The following LAMA2 variants were observed in gnomAD, a reference collection of about 807,000 sequenced individuals.
LAMA2 encodes laminin subunit alpha 2.
Under a neutral mutation model 364.8 loss-of-function variants are expected in LAMA2, and 269 were observed. That is an observed-to-expected ratio of 0.74 (90% confidence interval 0.67 to 0.82). The LOEUF (loss-of-function observed/expected upper bound fraction) is 0.82. Ranked by LOEUF, LAMA2 falls within the 40% of genes least tolerant of loss-of-function variation. LAMA2 has a pLI of 0.00. For missense variants in LAMA2, 3,807 were observed against 3,873.2 expected (o/e 0.98, Z 0.45); for synonymous variants, 1,379 against 1,370.6 (o/e 1.01, Z -0.14).
At chr6:129,256,763 C>CATATATAT (rs199726173) in intron 14 of LAMA2, among the ~76,000 whole-genome samples, 3,911 of 87,296 alleles carry the variant, frequency 0.045, 261 homozygotes, top group Middle Eastern at 0.06. Flanking sequence ...AATTATATAG[C>CATATATAT]ATATATATAT....
chr6:129,207,146 A>G (rs908275756), intron 12 of LAMA2, among the ~76,000 whole-genome samples: 1 of 152,216 alleles, frequency 6.6e-6, no homozygotes, highest in Non-Finnish European at 1.5e-5. Flanking sequence ...ACTCAGATGA[A>G]TATATTTACA....
chr6:129,088,946 G>C (rs1055397769), intron 3 of LAMA2, among the ~76,000 whole-genome samples: 1 of 152,112 alleles, frequency 6.6e-6, no homozygotes, highest in African/African-American at 2.4e-5. Context: ...TCGGCACTTT[G>C]GGAGGCCAAG....
chr6:129,327,616 T>TA (rs1164867263), intron 28 of LAMA2, among the ~76,000 whole-genome samples: 1 of 152,218 alleles, frequency 6.6e-6, no homozygotes, highest in Non-Finnish European at 1.5e-5. Flanking sequence ...TGTTTGTTGA[T>TA]ACATTTTCAT....
At chr6:128,952,358 A>G (rs1340601004) in intron 1 of LAMA2, among the ~76,000 whole-genome samples, 2 of 152,184 alleles carry the variant, frequency 1.3e-5, no homozygotes, top group Non-Finnish European at 1.5e-5. Context: ...TAACAAGAAT[A>G]AAAATTAATT....
Position 128,954,991 on chromosome 6 carries a change from AAAT to A in LAMA2, c.112+71640_112+71642del, listed in dbSNP as rs377386831. Among the ~76,000 whole-genome samples the A allele has an allele frequency of 8.5e-4, 129 of 151,886 alleles. 3 individuals are homozygous for A. The South Asian group carries it at 0.021, about 24-fold the overall frequency. ...AAGGCACAGGTGTGAGCAAAAAAAA[AAAT>A]AATAAGAATCACTCCTCACAAGGAA... On this transcript the variant is annotated intron_variant, in intron 1 of 64. Coordinates refer to ENST00000421865, the MANE Select transcript of LAMA2 (RefSeq NM_000426.4).
At chr6:128,993,562 A>C (rs1172885400) in intron 1 of LAMA2, among the ~76,000 whole-genome samples, 1 of 152,078 alleles carries the variant, frequency 6.6e-6, no homozygotes, top group Non-Finnish European at 1.5e-5. Flanking sequence ...TTGCTCCTCT[A>C]TTTTTGAAAA....
intron 40 of LAMA2, among the ~76,000 whole-genome samples, chr6:129,409,336 C>G (rs561767886): frequency 6.6e-6 from 1 of 152,302 alleles, no homozygotes; most frequent in Non-Finnish European, 1.5e-5. Flanking sequence ...TCAGTGCAGG[C>G]TTGGGGAGAG....
chr6:129,270,566 G>A lies in LAMA2; in HGVS notation c.2323-58G>A, dbSNP rs527802547. ...TAATGACTTCGTAGACCTATTTTTG[G>A]CAACATGTTGATCCCTGACACCAAA... is the stretch of plus-strand genomic sequence containing the variant. On this transcript the variant is annotated intron_variant, in intron 16 of 64. Coordinates refer to ENST00000421865, the MANE Select transcript of LAMA2 (RefSeq NM_000426.4). 105 of 1,594,732 alleles carry A rather than the reference G, an allele frequency of 6.6e-5. 2 individuals are homozygous for A. The South Asian group carries it at 9.0e-4, about 14-fold the overall frequency.
At chr6:128,933,228 T>TTC (rs1464326380) in intron 1 of LAMA2, among the ~76,000 whole-genome samples, 1 of 131,568 alleles carries the variant, frequency 7.6e-6, no homozygotes, top group African/African-American at 3.2e-5. Flanking sequence ...CTCCCTCTCT[T>TTC]TCTGTGTGTG....
intron 1 of LAMA2, among the ~76,000 whole-genome samples, chr6:128,943,222 TACACGC>T (rs1422507142): frequency 6.6e-6 from 1 of 151,384 alleles, no homozygotes; most frequent in Non-Finnish European, 1.5e-5. Context: ...TATATATACA[TACACGC>T]ACATATAAAT....
chr6:129,277,813 G>A lies in LAMA2; in HGVS notation c.2451-2248G>A, dbSNP rs183434412. Among the ~76,000 whole-genome samples, 375 of 152,266 alleles carry A rather than the reference G, an allele frequency of 2.5e-3. 3 individuals carry two copies. The highest frequency in any genetic ancestry group is 8.7e-3 in the African/African-American group (362 of 41,556). ...ATTGCCTAATTTTTTTCTCGAAAAA[G>A]TGTTGATTTTTGTCAGTGAGCACCT... On this transcript the variant is annotated intron_variant, in intron 17 of 64. Coordinates refer to ENST00000421865, the MANE Select transcript of LAMA2 (RefSeq NM_000426.4).
intron 12 of LAMA2, among the ~76,000 whole-genome samples, chr6:129,245,460 T>C (rs1425919736): frequency 1.3e-5 from 2 of 152,254 alleles, no homozygotes; most frequent in South Asian, 2.1e-4. Context: ...AAATCAATAT[T>C]GTCCCCAAAA....
intron 37 of LAMA2, among the ~76,000 whole-genome samples, chr6:129,393,845 G>C (rs1050239048): frequency 2.0e-5 from 3 of 152,050 alleles, no homozygotes; most frequent in Admixed American, 2.0e-4. Context: ...GAAAAATTTT[G>C]GTTCCTCTTT....
At chr6:128,922,326 A>G (rs1299630241) in intron 1 of LAMA2, among the ~76,000 whole-genome samples, 1 of 151,472 alleles carries the variant, frequency 6.6e-6, no homozygotes. Flanking sequence ...TCCCACCAAC[A>G]GTGTAAAAGT....
intron 1 of LAMA2, among the ~76,000 whole-genome samples, chr6:128,990,426 C>T (rs529314532): frequency 1.3e-5 from 2 of 152,260 alleles, no homozygotes; most frequent in South Asian, 4.1e-4. Flanking sequence ...TCTTCAAATA[C>T]GAATATGCAT....
intron 4 of LAMA2, among the ~76,000 whole-genome samples, chr6:129,132,013 C>T (rs559394289): frequency 1.3e-5 from 2 of 152,262 alleles, no homozygotes; most frequent in East Asian, 3.9e-4. Flanking sequence ...ACAATCTCCT[C>T]TTCCTACAAC....
intron 55 of LAMA2, 128 bp from the exon 56 acceptor site, chr6:129,486,346 A>G (rs906230779): frequency 1.2e-4 from 110 of 891,172 alleles, no homozygotes; most frequent in South Asian, 9.3e-4. Flanking sequence ...ACCGTTTGAG[A>G]AAATAAAGTC....
At chr6:129,172,185 G>T (rs1027765444) in intron 9 of LAMA2, among the ~76,000 whole-genome samples, 2 of 152,014 alleles carry the variant, frequency 1.3e-5, no homozygotes, top group Non-Finnish European at 2.9e-5. Flanking sequence ...CGTCAAAGTC[G>T]TTCTCCATCC....
chr6:128,917,705 TTTTTCTTTC>T (rs1233456182), intron 1 of LAMA2, among the ~76,000 whole-genome samples: 1,251 of 92,310 alleles, frequency 0.014, 27 homozygotes, highest in African/African-American at 0.052. Flanking sequence ...TTTTCTTTTT[TTTTTCTTTC>T]TTTCTTTCTT....
Sources: allele counts gnomAD v4.1 joint callset (sites outside exome capture counted in the v4.1 genomes callset), GRCh38; gene constraint gnomAD v4.1.1; transcripts MANE v1.5; gene names NCBI Gene and HGNC (gene_info 2026-07-23, HGNC 2026-07-21).